Variants in LMNTD1 observed in about 807,000 individuals in gnomAD.
LMNTD1 encodes lamin tail domain-containing protein 1.
In LMNTD1, 35 loss-of-function variants were observed where a neutral mutation model predicts 50.9. The ratio of observed to expected loss-of-function variants is 0.69; its 90% confidence interval spans 0.53 to 0.91. LMNTD1 has a LOEUF of 0.91. Among genes scored for constraint, LMNTD1 ranks in the 40% least tolerant of loss-of-function variants. LMNTD1 has a pLI of 0.00. For missense variants in LMNTD1, 470 were observed against 475.5 expected, an observed-to-expected ratio of 0.99 and a Z score of 0.11; for synonymous variants, 153 against 161.9, an observed-to-expected ratio of 0.94 and a Z score of 0.42.
At chr12:25,508,925 A>AT (rs747978313) in intron 8 of LMNTD1, among the ~76,000 whole-genome samples, 23 of 152,076 alleles carry the variant, frequency 1.5e-4, no homozygotes, top group Non-Finnish European at 3.1e-4. Flanking sequence ...TGGAGTGAAT[A>AT]TTTTATCAAA....
At chr12:25,552,723 C>CA (rs1163362333) in intron 2 of LMNTD1, 148 bp downstream of exon 2, 7 of 615,938 alleles carry the variant, frequency 1.1e-5, no homozygotes, top group African/African-American at 1.1e-4. Context: ...TTGTATGCTA[C>CA]AGTCCATTAT....
intron 9 of LMNTD1, among the ~76,000 whole-genome samples, chr12:25,479,039 G>A (rs1439472593): frequency 6.6e-6 from 1 of 152,060 alleles, no homozygotes; most frequent in Non-Finnish European, 1.5e-5. Context: ...TATTCCATGA[G>A]TACTCTTCCC....
At chr12:25,549,237 C>A in intron 3 of LMNTD1, 89 bp downstream of exon 3, 1 of 676,288 alleles carries the variant, frequency 1.5e-6, no homozygotes. Flanking sequence ...AATAATAAAA[C>A]ATCATTCTGA....
chr12:25,497,809 AT>A (rs1335443283), intron 9 of LMNTD1: 1 of 150,348 alleles, frequency 6.7e-6, no homozygotes, highest in African/African-American at 2.5e-5. Flanking sequence ...AAAAAAAAAA[AT>A]GCATATGTTT....
intron 3 of LMNTD1, 141 bp from the exon 4 acceptor site, chr12:25,546,695 G>T: frequency 2.2e-6 from 1 of 456,604 alleles, no homozygotes; most frequent in Non-Finnish European, 3.6e-6. Context: ...AACTTAATGA[G>T]AATAGTTAGA....
chr12:25,535,302 CAG>C (rs139198794), intron 4 of LMNTD1, among the ~76,000 whole-genome samples: 2,478 of 152,018 alleles, frequency 0.016, 67 homozygotes, highest in African/African-American at 0.057. Context: ...TAAAAAATAA[CAG>C]AGCATTAGTA....
intron 1 of LMNTD1, among the ~76,000 whole-genome samples, chr12:25,591,351 C>A (rs1945689658): frequency 6.6e-6 from 1 of 152,192 alleles, no homozygotes; most frequent in Admixed American, 6.5e-5. Context: ...GCTGAAGAGC[C>A]CTTGGGCTTT....
intron 9 of LMNTD1, among the ~76,000 whole-genome samples, chr12:25,486,752 A>G (rs1938658723): frequency 6.7e-6 from 1 of 149,564 alleles, no homozygotes; most frequent in Non-Finnish European, 1.5e-5. Flanking sequence ...TTCTGCATCT[A>G]TTGAGATAAT....
At chr12:25,592,536 T>C (rs11502718) in intron 1 of LMNTD1, 10,435 of 152,016 alleles carry the variant, frequency 0.069, 636 homozygotes, top group African/African-American at 0.17. Context: ...AAATACAGGG[T>C]AGAGGAAGCA....
intron 1 of LMNTD1, among the ~76,000 whole-genome samples, chr12:25,600,443 C>T (rs1945940507): frequency 6.6e-6 from 1 of 151,684 alleles, no homozygotes; most frequent in Non-Finnish European, 1.5e-5. Flanking sequence ...CAGAAATGGA[C>T]AAAGAGGATC....
At chr12:25,530,543 T>C (rs150728424) in intron 4 of LMNTD1, among the ~76,000 whole-genome samples, 1 of 152,326 alleles carries the variant, frequency 6.6e-6, no homozygotes, top group East Asian at 1.9e-4. Flanking sequence ...ATTTGTAATG[T>C]CACCTTAGTC....
In LMNTD1 at chr12:25,482,411, A is replaced by G. The variant is rs186696160; in HGVS notation, c.*23-5951T>C. ...ATAGTCCATCTACTTTCATGAAGAA[A>G]AAAAAGAAACTGAAGCCTTCGATTT... On this transcript the variant is annotated intron_variant, in intron 9 of 9. Coordinates refer to ENST00000458174, the MANE Select transcript of LMNTD1 (RefSeq NM_001145728.2). 1.1e-3 allele frequency among the ~76,000 whole-genome samples: 162 copies of G among 152,142 alleles called. 3 individuals are homozygous for G. Among genetic ancestry groups the G allele is most frequent in the African/African-American group, 3.7e-3 (155 of 41,368 alleles).
chr12:25,531,157 A>C (rs1039978211), intron 4 of LMNTD1, among the ~76,000 whole-genome samples: 1 of 152,220 alleles, frequency 6.6e-6, no homozygotes, highest in Non-Finnish European at 1.5e-5. Context: ...ATGGAAGCAG[A>C]TTTATTTCAG....
At chr12:25,511,673 T>C (rs756401212) in intron 8 of LMNTD1, among the ~76,000 whole-genome samples, 1 of 152,218 alleles carries the variant, frequency 6.6e-6, no homozygotes, top group Non-Finnish European at 1.5e-5. Flanking sequence ...CTATTAACTA[T>C]AACACCTATT....
intron 4 of LMNTD1, among the ~76,000 whole-genome samples, chr12:25,532,007 T>A (rs776910752): frequency 1.2e-4 from 18 of 152,184 alleles, no homozygotes; most frequent in Non-Finnish European, 2.2e-4. Flanking sequence ...TGTTAAAATT[T>A]TTATCTTATC....
chr12:25,633,043 A>G (rs1477948889), intron 1 of LMNTD1, among the ~76,000 whole-genome samples: 1 of 148,870 alleles, frequency 6.7e-6, no homozygotes, highest in Non-Finnish European at 1.5e-5. Flanking sequence ...AAAAAAAAAA[A>G]CAAACTTTAA....
chr12:25,591,546 C>A (rs1945695602), intron 1 of LMNTD1, among the ~76,000 whole-genome samples: 2 of 152,170 alleles, frequency 1.3e-5, no homozygotes. Flanking sequence ...TCCCTGGCTC[C>A]TGGACGGCAC....
intron 6 of LMNTD1, among the ~76,000 whole-genome samples, chr12:25,524,478 C>T (rs1481151056): frequency 6.6e-6 from 1 of 152,174 alleles, no homozygotes; most frequent in South Asian, 2.1e-4. Flanking sequence ...GTAAAAGGAA[C>T]AGTCTAAGTA....
At chr12:25,642,700 C>G (rs1434731869) in intron 1 of LMNTD1, among the ~76,000 whole-genome samples, 2 of 152,148 alleles carry the variant, frequency 1.3e-5, no homozygotes, top group Non-Finnish European at 2.9e-5. Flanking sequence ...CTTTTAAAAT[C>G]TTTTAATCTC....
Sources: allele counts gnomAD v4.1 joint callset (sites outside exome capture counted in the v4.1 genomes callset), GRCh38; gene constraint gnomAD v4.1.1; transcripts MANE v1.5; gene names NCBI Gene and HGNC (gene_info 2026-07-23, HGNC 2026-07-21).